The following UBR1 variants were observed in gnomAD, a reference collection of about 807,000 sequenced individuals.
UBR1 encodes the protein E3 ubiquitin-protein ligase UBR1.
UBR1 carries 102 observed loss-of-function variants against 242.1 expected under a neutral mutation model. The observed-to-expected ratio is 0.42, with a 90% CI of 0.36 to 0.50. The LOEUF is 0.50. UBR1 is among the 20% of genes least tolerant of loss of function. UBR1 has a pLI of 0.01. For missense variants in UBR1, 1,772 were observed against 2,101.8 expected, an observed-to-expected ratio of 0.84 and a Z score of 3.07; for synonymous variants, 675 against 684.8, an observed-to-expected ratio of 0.99 and a Z score of 0.22.
chr15:42,969,813 A>G (rs1480562182), intron 40 of UBR1, among the ~76,000 whole-genome samples: 1 of 152,190 alleles, frequency 6.6e-6, no homozygotes, highest in Non-Finnish European at 1.5e-5. Flanking sequence ...TTCAAGGAGA[A>G]CTACAAACCA....
chr15:43,036,371 G>A (rs942000815), intron 18 of UBR1, 92 bp from the exon 19 acceptor site: 2 of 1,309,386 alleles, frequency 1.5e-6, no homozygotes, highest in Admixed American at 3.4e-5. Flanking sequence ...AAAGTTTGCA[G>A]AAGATAATGT....
chr15:43,038,721 C>A (rs189253413), intron 15 of UBR1, among the ~76,000 whole-genome samples: 3 of 152,290 alleles, frequency 2.0e-5, no homozygotes, highest in African/African-American at 7.2e-5. Flanking sequence ...TAAAATCCTA[C>A]ACCATGCAAG....
chr15:43,063,560 T>A (rs190839963), intron 6 of UBR1, among the ~76,000 whole-genome samples: 1 of 152,092 alleles, frequency 6.6e-6, no homozygotes, highest in Non-Finnish European at 1.5e-5. Flanking sequence ...TCCCAGCACT[T>A]TGGGAGGCCA....
At chr15:43,096,845 C>G (rs1288724245) in intron 1 of UBR1, among the ~76,000 whole-genome samples, 1 of 152,132 alleles carries the variant, frequency 6.6e-6, no homozygotes, top group Admixed American at 6.6e-5. Context: ...GTTACTTCCT[C>G]TACTAAAGTC....
At chr15:43,004,458 C>T (rs1011047936) in intron 30 of UBR1, among the ~76,000 whole-genome samples, 6 of 152,290 alleles carry the variant, frequency 3.9e-5, no homozygotes, top group South Asian at 2.1e-4. Flanking sequence ...GCCGCCATCT[C>T]GGCTCACTGC....
chr15:43,096,174 CTT>C (rs533952574), intron 1 of UBR1, among the ~76,000 whole-genome samples: 2 of 141,066 alleles, frequency 1.4e-5, no homozygotes, highest in Admixed American at 7.1e-5. Context: ...CAATTTCTCT[CTT>C]TTTTTTTTTT....
Position 42,952,449 on chromosome 15 carries a change from CT to C in UBR1, c.4836-2del. The C allele has an allele frequency of 6.2e-7, 1 of 1,614,150 alleles. No individual in the cohort carries two copies. Among genetic ancestry groups the C allele is most frequent in the Non-Finnish European group, 8.5e-7 (1 of 1,180,020 alleles). On this transcript the variant is annotated splice_acceptor_variant, in intron 44 of 46. Transcript: ENST00000290650. LOFTEE classifies it high-confidence loss of function. ...CTCATCATCTGCAGACCGTGGGCAC[CT>C]CAAAAGAGAAGAAAACATTTAGAGA...
intron 3 of UBR1, among the ~76,000 whole-genome samples, chr15:43,076,785 G>GC (rs1168071583): frequency 7.2e-6 from 1 of 138,604 alleles, no homozygotes; most frequent in Non-Finnish European, 1.6e-5. Flanking sequence ...GAGGGGGTCA[G>GC]CCCCCCGCCC....
At chr15:43,004,330 T>G (rs769310435) in intron 30 of UBR1, among the ~76,000 whole-genome samples, 7 of 152,076 alleles carry the variant, frequency 4.6e-5, no homozygotes, top group Non-Finnish European at 1.0e-4. Context: ...AGATTGGATC[T>G]CCCTCTTCCT....
chr15:43,047,632 GA>G (rs546013086), intron 13 of UBR1, among the ~76,000 whole-genome samples: 1 of 152,162 alleles, frequency 6.6e-6, no homozygotes, highest in Non-Finnish European at 1.5e-5. Flanking sequence ...GCTAACAAGT[GA>G]AGATACTAAA....
intron 11 of UBR1, 77 bp downstream of exon 11, chr15:43,056,267 T>G (rs777426055): frequency 3.7e-5 from 41 of 1,123,110 alleles, no homozygotes; most frequent in Non-Finnish European, 5.4e-5. Context: ...TCTAATTTGA[T>G]TCAACATTAA....
chr15:42,960,818 G>A, intron 42 of UBR1, 117 bp from the exon 43 acceptor site: 2 of 1,051,584 alleles, frequency 1.9e-6, no homozygotes, highest in South Asian at 1.4e-5. Flanking sequence ...GCCCAGGCTG[G>A]AGTACAGTGG....
chr15:43,041,787 A>G (rs1197506310), intron 15 of UBR1, among the ~76,000 whole-genome samples: 1 of 152,218 alleles, frequency 6.6e-6, no homozygotes, highest in East Asian at 1.9e-4. Context: ...CACATATCTG[A>G]TGAACACTTA....
At chr15:43,091,292 G>C (rs1005972589) in intron 1 of UBR1, among the ~76,000 whole-genome samples, 1 of 152,070 alleles carries the variant, frequency 6.6e-6, no homozygotes, top group South Asian at 2.1e-4. Flanking sequence ...CACATTATAG[G>C]TTGGGCATCC....
chr15:43,074,957 T>C, intron 4 of UBR1, 22 bp downstream of exon 4: 1 of 1,566,636 alleles, frequency 6.4e-7, no homozygotes, highest in Non-Finnish European at 8.8e-7. Flanking sequence ...GTTAACAATT[T>C]TTAACAAAAT....
intron 44 of UBR1, among the ~76,000 whole-genome samples, chr15:42,955,615 C>T (rs1318792474): frequency 6.6e-6 from 1 of 152,104 alleles, no homozygotes; most frequent in Non-Finnish European, 1.5e-5. Flanking sequence ...ATCCAGAATA[C>T]ATAGTTACAT....
At chr15:42,988,112 T>C (rs1056303839) in intron 35 of UBR1, among the ~76,000 whole-genome samples, 4 of 152,202 alleles carry the variant, frequency 2.6e-5, no homozygotes, top group African/African-American at 9.7e-5. Flanking sequence ...CCCTTTCCGT[T>C]AATTTTTAGG....
intron 1 of UBR1, among the ~76,000 whole-genome samples, chr15:43,092,460 A>G (rs192023939): frequency 4.6e-5 from 7 of 152,358 alleles, no homozygotes; most frequent in Admixed American, 2.0e-4. Flanking sequence ...CAAGTACACA[A>G]TAAAAGTTAT....
In UBR1 at chr15:43,060,056, A is replaced by G; in HGVS notation, c.857T>C (p.Ile286Thr). 1.2e-6 allele frequency: 2 copies of G among 1,613,998 alleles called. No homozygotes were observed. The highest frequency in any genetic ancestry group is 1.1e-5 in the South Asian group (1 of 91,074). The stretch of plus-strand genomic sequence containing the variant: ...CCCCCTAATTCAGAAAGTTACCTTT[A>G]TATCTTCCTTTGCTTCCTGGCAAGC... The part of the protein sequence containing the change: ...YAACQEAKED[I>T]KSHSENVSQH... The change falls in exon 7 of 47, where the codon ATA becomes ACA. Residue 286 changes from isoleucine to threonine, a missense_variant. Physicochemically the swap from Ile to Thr is moderately conservative, Grantham distance 89 (BLOSUM62 -1). This residue lies in a region of UBR1 where 734 missense variants were observed against 893.3 expected (regional missense o/e 0.82). Coordinates refer to ENST00000290650, the MANE Select transcript of UBR1 (RefSeq NM_174916.3).
Sources: gnomAD v4.1 joint callset for allele counts (sites outside exome capture counted in the v4.1 genomes callset) on GRCh38, gnomAD v4.1.1 for gene constraint, gnomAD v4.1.1 regional missense constraint, MANE v1.5 for transcripts, NCBI Gene and HGNC (gene_info 2026-07-23, HGNC 2026-07-21) for gene names.